The following RNF24 variants were observed in gnomAD, a reference collection of about 807,000 sequenced individuals.
RNF24 encodes ring finger protein 24.
In RNF24, 14 loss-of-function variants were observed where a neutral mutation model predicts 20.0. The observed-to-expected ratio is 0.70, with a 90% CI of 0.46 to 1.10. The LOEUF (loss-of-function observed/expected upper bound fraction) is 1.10, where lower values mean the gene tolerates loss of function less well. Ranked by LOEUF, RNF24 falls within the 50% of genes least tolerant of loss-of-function variation. The pLI is 0.00. For synonymous variants in RNF24, 45 were observed against 61.1 expected (o/e 0.74, Z 1.23); for missense variants, 124 against 177.6 (o/e 0.70, Z 1.71).
At position 3,932,892 on chromosome 20, in the gene RNF24, A is replaced by G. The variant is rs1278740737; in HGVS notation, c.*1171T>C. 7.8e-5 allele frequency: 31 copies of G among 398,486 alleles called. No individual in the cohort carries two copies. The highest frequency in any genetic ancestry group is 8.8e-5 in the Admixed American group (2 of 22,720). 24.7% of individuals were successfully genotyped at this position (398,486 alleles called of 1,614,324 possible). A position where few individuals can be genotyped will look rare whatever the true frequency, so the allele number is the denominator to read the frequency against. On this transcript the variant is annotated 3_prime_UTR_variant, in exon 6 of 6. Transcript: ENST00000358395. ...AAAGAGCAGCATGCGTTTCTCTCCT[A>G]TAAAGACACTTTCACTTTCAGTTTC...
intron 4 of RNF24, among the ~76,000 whole-genome samples, chr20:3,939,329 C>A (rs759132790): frequency 2.6e-5 from 4 of 152,096 alleles, no homozygotes; most frequent in Non-Finnish European, 5.9e-5. Context: ...ATAATATTAG[C>A]TGATACATTT....
At chr20:3,965,995 G>A (rs1048827884) in intron 1 of RNF24, among the ~76,000 whole-genome samples, 3 of 152,060 alleles carry the variant, frequency 2.0e-5, no homozygotes, top group Non-Finnish European at 2.9e-5. Flanking sequence ...TTAACTGGGC[G>A]TGGTGGCACA....
chr20:3,992,684 T>C (rs1980553803), intron 1 of RNF24, among the ~76,000 whole-genome samples: 1 of 152,208 alleles, frequency 6.6e-6, no homozygotes, highest in African/African-American at 2.4e-5. Context: ...AGGGTCTCCC[T>C]TGAAAATAGC....
chr20:4,009,793 T>C lies in RNF24; in HGVS notation c.-8+5644A>G, dbSNP rs1034301672. 3.3e-5 allele frequency among the ~76,000 whole-genome samples: 5 copies of C among 151,922 alleles called. No individual in the cohort carries two copies. In the East Asian group the frequency reaches 9.6e-4, roughly 29 times the overall value. On this transcript the variant is annotated intron_variant, in intron 1 of 5. Coordinates refer to ENST00000358395, the MANE Select transcript of RNF24 (RefSeq NM_001134337.3). The stretch of plus-strand genomic sequence containing the variant: ...ATATCCAGCCACTTGGGTGGTGTCA[T>C]GGAAAAGCCAAATGAATGATAAAGC...
intron 1 of RNF24, among the ~76,000 whole-genome samples, chr20:3,997,291 G>A (rs1037776421): frequency 6.6e-6 from 1 of 151,454 alleles, no homozygotes; most frequent in Non-Finnish European, 1.5e-5. Flanking sequence ...CTTGTTTCAG[G>A]TTTTCTGTCA....
intron 4 of RNF24, among the ~76,000 whole-genome samples, chr20:3,938,692 C>T (rs2090920088): frequency 6.6e-6 from 1 of 152,116 alleles, no homozygotes; most frequent in South Asian, 2.1e-4. Flanking sequence ...AATACTTTGT[C>T]CCTGTGGGTT....
rs375649773 is a variant in RNF24 at position 3,929,748 on chromosome 20, TAGAA to T, written c.*4311_*4314del. The T allele has an allele frequency of 4.6e-3, 708 of 152,358 alleles. 1 individual carries two copies. Among genetic ancestry groups the T allele is most frequent in the Middle Eastern group, 0.01 (3 of 294 alleles). 9.4% of individuals were successfully genotyped at this position (152,358 alleles called of 1,614,324 possible). ...CTGATCTTGAGCATCCTGTCGCAGATAGAAAGTCAATCAGAAAAATCTGGTTGTG... is the reference window on the plus strand; with the variant it reads ...CTGATCTTGAGCATCCTGTCGCAGATAGTCAATCAGAAAAATCTGGTTGTG... On this transcript the variant is annotated 3_prime_UTR_variant, in exon 6 of 6. Transcript: ENST00000358395.
intron 1 of RNF24, among the ~76,000 whole-genome samples, chr20:3,971,789 A>C (rs1302444524): frequency 6.6e-6 from 1 of 152,228 alleles, no homozygotes; most frequent in Non-Finnish European, 1.5e-5. Context: ...AGTGAAAACA[A>C]ATAGAAAACA....
chr20:3,971,852 C>T (rs1001933665), intron 1 of RNF24, among the ~76,000 whole-genome samples: 2 of 152,004 alleles, frequency 1.3e-5, no homozygotes, highest in Middle Eastern at 3.2e-3. Context: ...CCAATTAAAA[C>T]ACAGAGACTG....
intron 1 of RNF24, among the ~76,000 whole-genome samples, chr20:3,993,882 C>G (rs1980656091): frequency 1.3e-5 from 2 of 152,078 alleles, no homozygotes; most frequent in African/African-American, 4.8e-5. Flanking sequence ...GCAAGAGTTC[C>G]CAAATACCCT....
At chr20:3,964,142 A>C in intron 1 of RNF24, 118 bp from the exon 2 acceptor site, 3 of 746,172 alleles carry the variant, frequency 4.0e-6, no homozygotes, top group Non-Finnish European at 4.2e-6. Flanking sequence ...TGGTAGACAA[A>C]GTGTTAATAT....
chr20:3,981,132 T>G (rs995864748), intron 1 of RNF24, among the ~76,000 whole-genome samples: 1 of 151,960 alleles, frequency 6.6e-6, no homozygotes, highest in African/African-American at 2.4e-5. Context: ...TGGGCTGTTA[T>G]TTTTCTCAAC....
chr20:3,985,077 T>C (rs910828082), intron 1 of RNF24, among the ~76,000 whole-genome samples: 2 of 152,216 alleles, frequency 1.3e-5, no homozygotes, highest in African/African-American at 2.4e-5. Context: ...CCTAGGTTTA[T>C]TGGAATTGCC....
chr20:3,981,508 T>C (rs1267776828), intron 1 of RNF24, among the ~76,000 whole-genome samples: 9 of 151,408 alleles, frequency 5.9e-5, no homozygotes, highest in African/African-American at 2.2e-4. Context: ...GAGTCACTTT[T>C]TTTCTTTTTT....
At chr20:3,938,791 T>C (rs2090921311) in intron 4 of RNF24, among the ~76,000 whole-genome samples, 1 of 152,114 alleles carries the variant, frequency 6.6e-6, no homozygotes, top group South Asian at 2.1e-4. Flanking sequence ...CAGGCTGGAG[T>C]GCACTGGTGC....
intron 1 of RNF24, among the ~76,000 whole-genome samples, chr20:4,010,706 T>G (rs546447663): frequency 6.6e-6 from 1 of 152,194 alleles, no homozygotes; most frequent in Non-Finnish European, 1.5e-5. Flanking sequence ...GTAAAAAAAC[T>G]TAATCCCCTC....
At chr20:3,984,304 C>T (rs1013389027) in intron 1 of RNF24, among the ~76,000 whole-genome samples, 2 of 151,980 alleles carry the variant, frequency 1.3e-5, no homozygotes, top group Non-Finnish European at 2.9e-5. Flanking sequence ...TCATTGAGTA[C>T]CTTTATGGCC....
rs1568672087 is a variant in RNF24 at position 4,008,330 on chromosome 20, TAA to T, written c.-8+7105_-8+7106del. ...CAAATATATATATATATTATATATA[TAA>T]TATATATATTATACATGTAATATGT... On this transcript the variant is annotated intron_variant, in intron 1 of 5. Coordinates refer to ENST00000358395, the MANE Select transcript of RNF24 (RefSeq NM_001134337.3). Among the ~76,000 whole-genome samples the T allele has an allele frequency of 2.7e-3, 248 of 90,486 alleles. 9 individuals are homozygous for T. The highest frequency in any genetic ancestry group is 0.011 in the African/African-American group (233 of 20,700). 59.4% of individuals were successfully genotyped at this position (90,486 alleles called of 152,430 possible). A position where few individuals can be genotyped will look rare whatever the true frequency, so the allele number is the denominator to read the frequency against.
intron 2 of RNF24, among the ~76,000 whole-genome samples, chr20:3,957,673 C>T (rs971311177): frequency 6.6e-6 from 1 of 151,920 alleles, no homozygotes; most frequent in Admixed American, 6.6e-5. Flanking sequence ...CAAAATTCAT[C>T]CCTTCTAGAA....
Sources: gnomAD v4.1 joint callset for allele counts (sites outside exome capture counted in the v4.1 genomes callset) on GRCh38, gnomAD v4.1.1 for gene constraint, MANE v1.5 for transcripts, NCBI Gene and HGNC (gene_info 2026-07-23, HGNC 2026-07-21) for gene names.